The following CD109 variants were observed in gnomAD, a reference collection of about 807,000 sequenced individuals.
The protein encoded by CD109 is CD109 molecule, also known as CD109 antigen.
In CD109, 149 loss-of-function variants were observed where a neutral mutation model predicts 165.8. That is an observed-to-expected ratio of 0.90 (90% CI 0.79 to 1.03). The LOEUF (loss-of-function observed/expected upper bound fraction) is 1.03. Ranked by LOEUF, CD109 falls within the 50% of genes least tolerant of loss-of-function variation. The pLI is 0.00. For missense variants in CD109, 1,712 were observed against 1,677.8 expected, an observed-to-expected ratio of 1.02 and a Z score of -0.36; for synonymous variants, 585 against 592.1, an observed-to-expected ratio of 0.99 and a Z score of 0.18.
Position 73,787,235 on chromosome 6 carries a change from T to G in CD109, c.2339T>G (p.Val780Gly), listed in dbSNP as rs199847887. 1 of 1,596,370 alleles carries G rather than the reference T, an allele frequency of 6.3e-7. No individual in the cohort carries two copies. The highest frequency in any genetic ancestry group is 8.6e-7 in the Non-Finnish European group (1 of 1,164,650). ...CTTTGATTTATTTTTTTCTTTCAGGTTAAGGTAATCATTGAGAAAAGTGAC... is the reference window on the plus strand; with the variant it reads ...CTTTGATTTATTTTTTTCTTTCAGGGTAAGGTAATCATTGAGAAAAGTGAC... ...IFNYLKDATE[V>G]KVIIEKSDKF... Residue 780 changes from valine (V) to glycine (G), a missense_variant and splice_region_variant, in exon 21 of 33, where the codon GTT becomes GGT. Physicochemically the swap from Val to Gly is moderately radical, Grantham distance 109. Transcript: ENST00000287097.
chr6:73,688,384 T>A, the CD109 span, among the ~76,000 whole-genome samples: 2 of 151,988 alleles, frequency 1.3e-5, no homozygotes, highest in African/African-American at 4.8e-5. Context: ...TGAAACAGAG[T>A]TCTTAATACT....
At position 73,823,566 on chromosome 6, in the gene CD109, A is replaced by G. The variant is rs1488267603; in HGVS notation, c.4271A>G (p.His1424Arg). Residue 1424 changes from histidine to arginine, a missense_variant, in exon 33 of 33, where the codon CAT (histidine) becomes CGT (arginine). Physicochemically the swap from His to Arg is conservative, Grantham distance 29. Transcript: ENST00000287097. The part of the protein sequence containing the change: ...RPCEDGASGS[H>R]HHSSVIFIFC... ...TGTGAGGATGGAGCTTCAGGCTCCC[A>G]TCATCACTCTTCAGTCATTTTTATT... is the stretch of plus-strand genomic sequence containing the variant. The G allele has an allele frequency of 6.2e-7, 1 of 1,613,896 alleles. No individual in the cohort carries two copies. Among genetic ancestry groups the G allele is most frequent in the South Asian group, 1.1e-5 (1 of 91,060 alleles).
At chr6:73,793,375 A>G (rs1433709544) in intron 23 of CD109, among the ~76,000 whole-genome samples, 1 of 152,254 alleles carries the variant, frequency 6.6e-6, no homozygotes, top group Non-Finnish European at 1.5e-5. Flanking sequence ...AACTGTTCAC[A>G]GGCACCAGAT....
Position 73,782,625 on chromosome 6 carries a change from G to C in CD109, c.1975G>C (p.Glu659Gln). The C allele has an allele frequency of 6.2e-7, 1 of 1,613,010 alleles. No individual in the cohort carries two copies. The highest frequency in any genetic ancestry group is 8.5e-7 in the Non-Finnish European group (1 of 1,179,286). The change falls in exon 18 of 33, where the codon GAA (glutamate) becomes CAA (glutamine). Residue 659 changes from glutamate (E) to glutamine (Q), a missense_variant. Physicochemically the swap from Glu to Gln is conservative, Grantham distance 29 (BLOSUM62 2). Coordinates refer to ENST00000287097, the MANE Select transcript of CD109 (RefSeq NM_133493.5). ...ATGTTTATTTATAGATGACAATGCAGAATATGCTGAGAGGTTTATGGAGGA... is the reference window on the plus strand; with the variant it reads ...ATGTTTATTTATAGATGACAATGCACAATATGCTGAGAGGTTTATGGAGGA... ...DYIDGVYDNAEYAERFMEENE... is the reference protein window; with the variant it reads ...DYIDGVYDNAQYAERFMEENE...
intron 15 of CD109, among the ~76,000 whole-genome samples, chr6:73,776,887 A>C (rs1278238852): frequency 6.6e-6 from 1 of 150,526 alleles, no homozygotes; most frequent in Non-Finnish European, 1.5e-5. Context: ...GCATTTCTCT[A>C]ATGATCAGTG....
chr6:73,726,113 T>TTTAAA (rs150398682), intron 3 of CD109, among the ~76,000 whole-genome samples: 4,458 of 152,322 alleles, frequency 0.029, 99 homozygotes, highest in Non-Finnish European at 0.038. Context: ...TACCTGTGAA[T>TTTAAA]AGAACCACCT....
At chr6:73,801,505 A>C (rs1775359286) in intron 23 of CD109, among the ~76,000 whole-genome samples, 1 of 152,214 alleles carries the variant, frequency 6.6e-6, no homozygotes, top group Non-Finnish European at 1.5e-5. Flanking sequence ...TTTTACCATA[A>C]GTCTTAAATA....
At chr6:73,775,039 A>G (rs573769363) in intron 15 of CD109, among the ~76,000 whole-genome samples, 2 of 152,048 alleles carry the variant, frequency 1.3e-5, no homozygotes, top group East Asian at 3.9e-4. Flanking sequence ...ATTTTTAGAC[A>G]TTAGCCTTCT....
At chr6:73,738,163 T>C (rs1218211697) in intron 5 of CD109, among the ~76,000 whole-genome samples, 1 of 152,170 alleles carries the variant, frequency 6.6e-6, no homozygotes, top group Admixed American at 6.5e-5. Flanking sequence ...CAGTCCAGCT[T>C]GGTGATAAAG....
At position 73,824,648 on chromosome 6, in the gene CD109, G is replaced by A. The variant is rs1185087522; in HGVS notation, c.*1015G>A. 6.6e-6 allele frequency: 1 copy of A among 152,312 alleles called. No homozygotes were observed. The highest frequency in any genetic ancestry group is 1.5e-5 in the Non-Finnish European group (1 of 68,038). 9.4% of individuals were successfully genotyped at this position (152,312 alleles called of 1,614,324 possible). A position where few individuals can be genotyped will look rare whatever the true frequency, so the allele number is the denominator to read the frequency against. The stretch of plus-strand genomic sequence containing the variant: ...CTGTGGAACCTCTTCTAGTTCAGGG[G>A]TGTGAGCATTAGACTGCCAGTTGTC... On this transcript the variant is annotated 3_prime_UTR_variant, in exon 33 of 33. Coordinates refer to ENST00000287097, the MANE Select transcript of CD109 (RefSeq NM_133493.5).
In CD109 at chr6:73,818,407, A is replaced by G; in HGVS notation, c.3931A>G (p.Ser1311Gly). The G allele has an allele frequency of 6.2e-7, 1 of 1,613,770 alleles. No homozygotes were observed. The highest frequency in any genetic ancestry group is 8.5e-7 in the Non-Finnish European group (1 of 1,179,932). ...ATTTAGCTTTTCGGGCCCGGGTAGG[A>G]GTGGCATGGCTCTTATGGAAGTTAA... ...VCTSFSGPGR[S>G]GMALMEVNLL... The change falls in exon 31 of 33, where the codon AGT (serine) becomes GGT (glycine). Residue 1311 changes from serine (S) to glycine (G), a missense_variant. By Grantham distance (56) the Ser-to-Gly change is moderately conservative (BLOSUM62 0). Coordinates refer to ENST00000287097, the MANE Select transcript of CD109 (RefSeq NM_133493.5).
At chr6:73,712,379 T>C (rs903996786) in intron 2 of CD109, among the ~76,000 whole-genome samples, 1 of 152,234 alleles carries the variant, frequency 6.6e-6, no homozygotes, top group African/African-American at 2.4e-5. Context: ...ATAATAAATT[T>C]ATTATTGCAT....
At chr6:73,734,563 G>A (rs914017900) in intron 4 of CD109, among the ~76,000 whole-genome samples, 1 of 152,170 alleles carries the variant, frequency 6.6e-6, no homozygotes, top group Non-Finnish European at 1.5e-5. Context: ...GGCACAGTAG[G>A]GCCAACTGCC....
upstream of CD109, chr6:73,694,990 A>G (rs2150139865): frequency 6.6e-6 from 1 of 152,394 alleles, no homozygotes; most frequent in Middle Eastern, 3.4e-3. Flanking sequence ...AGGGTGGAAC[A>G]GGAAAGGGAG....
chr6:73,753,601 CA>C (rs1277048459), intron 5 of CD109, among the ~76,000 whole-genome samples: 1 of 152,142 alleles, frequency 6.6e-6, no homozygotes, highest in Non-Finnish European at 1.5e-5. Context: ...CACCCACTTC[CA>C]AAATGTTTTC....
At position 73,826,781 on chromosome 6, in the gene CD109, T is replaced by C. The variant is rs909858219; in HGVS notation, c.*3148T>C. 5 of 152,086 alleles carry C rather than the reference T, an allele frequency of 3.3e-5. No individual in the cohort carries two copies. The highest frequency in any genetic ancestry group is 1.2e-4 in the African/African-American group (5 of 41,438). The allele number at this position is 152,086 out of a possible 1,614,324, so 9.4% of individuals were successfully genotyped here. On this transcript the variant is annotated 3_prime_UTR_variant, in exon 33 of 33. Coordinates refer to ENST00000287097, the MANE Select transcript of CD109 (RefSeq NM_133493.5). Reference sequence around the variant, plus strand: ...TACTTACATATGTAATACTGTATCCTGCACGTGGAAATATTCAGAATTGTA... The same window carrying C: ...TACTTACATATGTAATACTGTATCCCGCACGTGGAAATATTCAGAATTGTA...
Position 73,714,814 on chromosome 6 carries a change from ATAAACT to A in CD109, c.248-8434_248-8429del, listed in dbSNP as rs539469053. The stretch of plus-strand genomic sequence containing the variant: ...AAGAATCCACAGGTTTTGGTGAGTG[ATAAACT>A]TAGAGTTGAGGAGAGAAAAGAGTTC... On this transcript the variant is annotated intron_variant, in intron 2 of 32. Coordinates refer to ENST00000287097, the MANE Select transcript of CD109 (RefSeq NM_133493.5). 1.4e-3 allele frequency among the ~76,000 whole-genome samples: 218 copies of A among 152,366 alleles called. 3 individuals carry two copies. Among genetic ancestry groups the A allele is most frequent in the East Asian group, 9.6e-4 (5 of 5,190 alleles).
intron 19 of CD109, 36 bp from the exon 20 acceptor site, chr6:73,785,328 C>A: frequency 8.7e-7 from 1 of 1,148,540 alleles, no homozygotes; most frequent in South Asian, 1.4e-5. Context: ...GAATTTTGAC[C>A]TGAATAAAAA....
Position 73,792,716 on chromosome 6 carries a change from C to G in CD109, c.2792C>G (p.Pro931Arg), listed in dbSNP as rs1775017630. ...GAACAGAACATGATAAATTTTGCTC[C>G]AAATATTTACATTTTGGATTATCTG... ...CGEQNMINFA[P>R]NIYILDYLTK... The change falls in exon 23 of 33, where the codon CCA (proline) becomes CGA (arginine). Residue 931 changes from proline (P) to arginine (R), a missense_variant. Coordinates refer to ENST00000287097, the MANE Select transcript of CD109 (RefSeq NM_133493.5). 2 of 1,612,752 alleles carry G rather than the reference C, an allele frequency of 1.2e-6. No individual in the cohort carries two copies. Among genetic ancestry groups the G allele is most frequent in the Non-Finnish European group, 1.7e-6 (2 of 1,179,710 alleles).
Sources: allele counts gnomAD v4.1 joint callset (sites outside exome capture counted in the v4.1 genomes callset), GRCh38; gene constraint gnomAD v4.1.1; transcripts MANE v1.5; gene names NCBI Gene and HGNC (gene_info 2026-07-23, HGNC 2026-07-21).